The following RAB21 variants were observed in gnomAD, a reference collection of about 807,000 sequenced individuals.
RAB21 encodes the protein RAB21, member RAS oncogene family.
In RAB21, 13 loss-of-function variants were observed where a neutral mutation model predicts 33.1. That is an observed-to-expected ratio of 0.39 (90% CI 0.26 to 0.62). The LOEUF (loss-of-function observed/expected upper bound fraction) is 0.62. RAB21 is among the 20% of genes least tolerant of loss of function. The pLI is 0.48. For synonymous variants in RAB21, 91 were observed against 103.7 expected, an observed-to-expected ratio of 0.88 and a Z score of 0.74; for missense variants, 234 against 279.1, an observed-to-expected ratio of 0.84 and a Z score of 1.15.
rs1241721577 is a variant in RAB21 at position 71,795,412 on chromosome 12, C to A, written c.*9739C>A. On this transcript the variant is annotated 3_prime_UTR_variant, in exon 7 of 7. Coordinates refer to ENST00000261263, the MANE Select transcript of RAB21 (RefSeq NM_014999.4). The stretch of plus-strand genomic sequence containing the variant: ...TGGGAATGTCCCTAGCGTAATAATG[C>A]CTTCTACTGACATTTAAAGTCAGCT... The A allele has an allele frequency of 5.5e-5, 5 of 90,312 alleles. No individual in the cohort carries two copies. Among genetic ancestry groups the A allele is most frequent in the African/African-American group, 2.9e-4 (5 of 17,340 alleles). 5.6% of individuals were successfully genotyped at this position (90,312 alleles called of 1,614,324 possible). A position where few individuals can be genotyped will look rare whatever the true frequency, so the allele number is the denominator to read the frequency against.
At position 71,795,457 on chromosome 12, in the gene RAB21, C is replaced by T. The variant is rs1380464052; in HGVS notation, c.*9784C>T. ...TCAGCTTAAACATCATTAGGGAAGA[C>T]TATGACTGTTTCTATGACCTCTAGT... is the stretch of plus-strand genomic sequence containing the variant. On this transcript the variant is annotated 3_prime_UTR_variant, in exon 7 of 7. Transcript: ENST00000261263. 1 of 92,606 alleles carries T rather than the reference C, an allele frequency of 1.1e-5. No homozygotes were observed. Among genetic ancestry groups the T allele is most frequent in the Non-Finnish European group, 2.0e-5 (1 of 50,324 alleles). 5.7% of individuals were successfully genotyped at this position (92,606 alleles called of 1,614,324 possible). A position where few individuals can be genotyped will look rare whatever the true frequency, so the allele number is the denominator to read the frequency against.
At chr12:71,766,111 T>A (rs1474186510) in intron 1 of RAB21, among the ~76,000 whole-genome samples, 1 of 152,134 alleles carries the variant, frequency 6.6e-6, no homozygotes, top group East Asian at 1.9e-4. Context: ...ATAATTTGAT[T>A]AAGAAGGAAA....
At chr12:71,771,000 A>G (rs1883034450) in intron 3 of RAB21, among the ~76,000 whole-genome samples, 1 of 152,164 alleles carries the variant, frequency 6.6e-6, no homozygotes, top group African/African-American at 2.4e-5. Context: ...GCTTCAGAAA[A>G]ATATGGGGGC....
rs533930975 is a variant in RAB21 at position 71,795,015 on chromosome 12, T to C, written c.*9342T>C. The C allele has an allele frequency of 6.6e-6, 1 of 152,008 alleles. No homozygotes were observed. The highest frequency in any genetic ancestry group is 1.5e-5 in the Non-Finnish European group (1 of 67,990). 9.4% of individuals were successfully genotyped at this position (152,008 alleles called of 1,614,324 possible). Reference sequence around the variant, plus strand: ...ACCATGTGTAAGCAATTCTCATCTGTGGAATGTTTGACAGGGATAAGATTA... The same window carrying C: ...ACCATGTGTAAGCAATTCTCATCTGCGGAATGTTTGACAGGGATAAGATTA... On this transcript the variant is annotated 3_prime_UTR_variant, in exon 7 of 7. Coordinates refer to ENST00000261263, the MANE Select transcript of RAB21 (RefSeq NM_014999.4).
intron 1 of RAB21, among the ~76,000 whole-genome samples, chr12:71,765,365 A>G (rs1367349441): frequency 6.6e-6 from 1 of 151,978 alleles, no homozygotes; most frequent in Non-Finnish European, 1.5e-5. Context: ...CTTTTGTTGG[A>G]TGCTTAGTTT....
rs1883435502 is a variant in RAB21, at chr12:71,794,427, A to ATATATATATATATATT, written c.*8755_*8756insATATATATATATATTT. ...ATATTATATATATATATATATATAT[A>ATATATATATATATATT]TTTTTTTTTTTTTTTTTTTTTTTTT... On this transcript the variant is annotated 3_prime_UTR_variant, in exon 7 of 7. Transcript: ENST00000261263. The ATATATATATATATATT allele has an allele frequency of 3.6e-5, 1 of 27,964 alleles. No individual in the cohort carries two copies. Among genetic ancestry groups the ATATATATATATATATT allele is most frequent in the African/African-American group, 1.3e-4 (1 of 7,894 alleles). The allele number at this position is 27,964 out of a possible 1,614,324, so 1.7% of individuals were successfully genotyped here.
chr12:71,784,528 A>G (rs1039486733), intron 6 of RAB21, among the ~76,000 whole-genome samples: 3 of 149,270 alleles, frequency 2.0e-5, no homozygotes, highest in African/African-American at 7.5e-5. Flanking sequence ...TTTTTTTTTT[A>G]CAATAGATGT....
Position 71,785,919 on chromosome 12 carries a change from T to G in RAB21, c.*246T>G, listed in dbSNP as rs994841539. The stretch of plus-strand genomic sequence containing the variant: ...TTTTTTGTTTTTTTTTGTTTTTTTT[T>G]GAGACGGAGTCTCGCTCTGTCACCC... On this transcript the variant is annotated 3_prime_UTR_variant, in exon 7 of 7. Coordinates refer to ENST00000261263, the MANE Select transcript of RAB21 (RefSeq NM_014999.4). 5.0e-6 allele frequency: 2 copies of G among 397,798 alleles called. No individual in the cohort carries two copies. Among genetic ancestry groups the G allele is most frequent in the African/African-American group, 2.1e-5 (1 of 47,588 alleles). The allele number at this position is 397,798 out of a possible 1,614,324, so 24.6% of individuals were successfully genotyped here.
rs1191413418 is a variant in RAB21, at chr12:71,799,820, C to T, written c.*14147C>T. On this transcript the variant is annotated 3_prime_UTR_variant, in exon 7 of 7. Coordinates refer to ENST00000261263, the MANE Select transcript of RAB21 (RefSeq NM_014999.4). ...AGGCACAGTGGTTCACACCTGTAAT[C>T]CCAGCATTTTGGGAGGCCAAGATGG... 1 of 152,142 alleles carries T rather than the reference C, an allele frequency of 6.6e-6. No individual in the cohort carries two copies. Among genetic ancestry groups the T allele is most frequent in the Admixed American group, 6.5e-5 (1 of 15,282 alleles). The allele number at this position is 152,142 out of a possible 1,614,324, so 9.4% of individuals were successfully genotyped here. A position where few individuals can be genotyped will look rare whatever the true frequency, so the allele number is the denominator to read the frequency against.
Position 71,798,005 on chromosome 12 carries a change from A to T in RAB21, c.*12332A>T, listed in dbSNP as rs1276766719. 1 of 152,218 alleles carries T rather than the reference A, an allele frequency of 6.6e-6. No homozygotes were observed. Among genetic ancestry groups the T allele is most frequent in the South Asian group, 2.1e-4 (1 of 4,828 alleles). 9.4% of individuals were successfully genotyped at this position (152,218 alleles called of 1,614,324 possible). A position where few individuals can be genotyped will look rare whatever the true frequency, so the allele number is the denominator to read the frequency against. On this transcript the variant is annotated 3_prime_UTR_variant, in exon 7 of 7. Transcript: ENST00000261263. ...TTTAAAGATTTTAGTGTGGTAAAGG[A>T]TTTCCTGAATTTGATATAAAATTTG...
At chr12:71,771,485 T>G (rs2137648373) in intron 3 of RAB21, among the ~76,000 whole-genome samples, 1 of 152,318 alleles carries the variant, frequency 6.6e-6, no homozygotes, top group Non-Finnish European at 1.5e-5. Context: ...TTTTTCCCAG[T>G]TAAATCTGAT....
rs990319359 is a variant in RAB21, at chr12:71,790,542, T to G, written c.*4869T>G. 1 of 152,144 alleles carries G rather than the reference T, an allele frequency of 6.6e-6. No homozygotes were observed. Among genetic ancestry groups the G allele is most frequent in the Admixed American group, 6.5e-5 (1 of 15,270 alleles). 9.4% of individuals were successfully genotyped at this position (152,144 alleles called of 1,614,324 possible). ...TCCTAGAAATATGAAAGTTCCTCAT[T>G]TTGTATTTAATTATGTAAGAAAATG... On this transcript the variant is annotated 3_prime_UTR_variant, in exon 7 of 7. Coordinates refer to ENST00000261263, the MANE Select transcript of RAB21 (RefSeq NM_014999.4).
chr12:71,771,645 T>TTTGCATGAAA (rs1336484795), intron 3 of RAB21, among the ~76,000 whole-genome samples: 1 of 152,130 alleles, frequency 6.6e-6, no homozygotes, highest in African/African-American at 2.4e-5. Flanking sequence ...CCTCTCGCGT[T>TTTGCATGAAA]TTGCATGAAA....
rs200184881 is a variant in RAB21 at position 71,755,158 on chromosome 12, G to C, written c.29G>C (p.Gly10Ala). 2.9e-4 allele frequency: 376 copies of C among 1,305,284 alleles called. 1 individual carries two copies. In the African/African-American group the frequency reaches 5.1e-3, roughly 18 times the overall value. 80.9% of individuals were successfully genotyped at this position (1,305,284 alleles called of 1,614,324 possible). The change falls in exon 1 of 7, where the codon GGG becomes GCG. Residue 10 changes from glycine (G) to alanine (A), a missense_variant. Gly to Ala is a moderately conservative substitution (Grantham distance 60). Transcript: ENST00000261263. MAAAGGGGG[G>A]AAAAGRAYSF... is the part of the protein sequence containing the mutation. The stretch of plus-strand genomic sequence containing the variant: ...GCTGCGGCCGGCGGCGGCGGCGGCG[G>C]GGCGGCGGCGGCGGGCCGAGCCTAC...
intron 1 of RAB21, among the ~76,000 whole-genome samples, chr12:71,756,411 A>G (rs1156339471): frequency 6.6e-6 from 1 of 152,212 alleles, no homozygotes; most frequent in Non-Finnish European, 1.5e-5. Flanking sequence ...TTAATTAGTA[A>G]ATGTGTAGTA....
rs761299372 is a variant in RAB21 at position 71,798,377 on chromosome 12, G to A, written c.*12704G>A. The A allele has an allele frequency of 6.6e-6, 1 of 152,022 alleles. No homozygotes were observed. Among genetic ancestry groups the A allele is most frequent in the Non-Finnish European group, 1.5e-5 (1 of 68,012 alleles). The allele number at this position is 152,022 out of a possible 1,614,324, so 9.4% of individuals were successfully genotyped here. A position where few individuals can be genotyped will look rare whatever the true frequency, so the allele number is the denominator to read the frequency against. On this transcript the variant is annotated 3_prime_UTR_variant, in exon 7 of 7. Coordinates refer to ENST00000261263, the MANE Select transcript of RAB21 (RefSeq NM_014999.4). ...TGGGATTATAGGTGTGAGGCACCAT[G>A]CCCAACATATAACAATAAATTATAT...
chr12:71,762,765 A>T (rs1031104765), intron 1 of RAB21, among the ~76,000 whole-genome samples: 1 of 152,034 alleles, frequency 6.6e-6, no homozygotes, highest in Admixed American at 6.6e-5. Context: ...TATTTTTAGT[A>T]GAGATGGGGT....
At chr12:71,756,672 ATTG>A (rs1405561618) in intron 1 of RAB21, among the ~76,000 whole-genome samples, 1 of 152,220 alleles carries the variant, frequency 6.6e-6, no homozygotes, top group Non-Finnish European at 1.5e-5. Context: ...ATGAATTGTT[ATTG>A]TTCAGTGTCA....
Position 71,795,376 on chromosome 12 carries a change from A to ATAGTT in RAB21, c.*9704_*9705insAGTTT, listed in dbSNP as rs1883454052. On this transcript the variant is annotated 3_prime_UTR_variant, in exon 7 of 7. Transcript: ENST00000261263. ...AGAACAAAACCTTATATTTAATAAA[A>ATAGTT]TGGAGAAATTTGGGAATGTCCCTAG... The ATAGTT allele has an allele frequency of 1.4e-5, 2 of 140,008 alleles. No individual in the cohort carries two copies. The highest frequency in any genetic ancestry group is 3.0e-5 in the Non-Finnish European group (2 of 66,378). The allele number at this position is 140,008 out of a possible 1,614,324, so 8.7% of individuals were successfully genotyped here.
Sources: gnomAD v4.1 joint callset for allele counts (sites outside exome capture counted in the v4.1 genomes callset) on GRCh38, gnomAD v4.1.1 for gene constraint, MANE v1.5 for transcripts, NCBI Gene and HGNC (gene_info 2026-07-23, HGNC 2026-07-21) for gene names.